Variants in MDGA2 observed in about 807,000 individuals in gnomAD.
The protein encoded by MDGA2 is MAM domain-containing glycosylphosphatidylinositol anchor protein 2.
In MDGA2, 40 loss-of-function variants were observed where a neutral mutation model predicts 117.8. The ratio of observed to expected loss-of-function variants is 0.34; its 90% CI spans 0.26 to 0.44. The LOEUF (loss-of-function observed/expected upper bound fraction) is 0.44, where lower values mean the gene tolerates loss of function less well. Ranked by LOEUF, MDGA2 falls within the 20% of genes least tolerant of loss-of-function variation. The pLI, the probability that MDGA2 is intolerant of heterozygous loss-of-function variation, is 1.00. For synonymous variants in MDGA2, 452 were observed against 439.0 expected, an observed-to-expected ratio of 1.03 and a Z score of -0.37; for missense variants, 1,123 against 1,250.6, an observed-to-expected ratio of 0.90 and a Z score of 1.54.
intron 8 of MDGA2, among the ~76,000 whole-genome samples, chr14:47,006,420 ATAT>A (rs550408021): frequency 0.032 from 3,473 of 108,794 alleles, 157 homozygotes; most frequent in African/African-American, 0.11. Flanking sequence ...ATTTATAATT[ATAT>A]TATATGTATA....
chr14:47,326,116 T>G (rs560544461), intron 1 of MDGA2, among the ~76,000 whole-genome samples: 2 of 152,112 alleles, frequency 1.3e-5, no homozygotes, highest in Non-Finnish European at 1.5e-5. Flanking sequence ...AGATCTGAAC[T>G]TCCTACTAAA....
chr14:47,046,021 G>GA (rs1889250990), intron 7 of MDGA2, among the ~76,000 whole-genome samples: 1 of 145,060 alleles, frequency 6.9e-6, no homozygotes, highest in African/African-American at 2.5e-5. Context: ...GGGGAGGGGG[G>GA]AGGGATAGCA....
At chr14:47,235,416 G>A (rs766869741) in intron 2 of MDGA2, among the ~76,000 whole-genome samples, 1 of 152,172 alleles carries the variant, frequency 6.6e-6, no homozygotes, top group African/African-American at 2.4e-5. Flanking sequence ...AAAGAATAAT[G>A]TGAACAACTA....
chr14:47,414,016 G>A (rs552810476), intron 1 of MDGA2, among the ~76,000 whole-genome samples: 2 of 152,206 alleles, frequency 1.3e-5, no homozygotes, highest in South Asian at 4.1e-4. Context: ...AGTCTATTCA[G>A]AAGAAGATCA....
At chr14:46,967,382 A>G (rs751466381) in intron 8 of MDGA2, among the ~76,000 whole-genome samples, 2 of 152,178 alleles carry the variant, frequency 1.3e-5, no homozygotes, top group Non-Finnish European at 2.9e-5. Flanking sequence ...TTGGGATTAA[A>G]GTCATTTAAG....
chr14:47,438,332 C>T (rs576308561), intron 1 of MDGA2, among the ~76,000 whole-genome samples: 4 of 152,190 alleles, frequency 2.6e-5, no homozygotes, highest in African/African-American at 9.6e-5. Flanking sequence ...AAGTTACTGT[C>T]CTCTCCAGAA....
At chr14:47,161,289 A>G (rs10143163) in intron 3 of MDGA2, among the ~76,000 whole-genome samples, 1 of 151,824 alleles carries the variant, frequency 6.6e-6, no homozygotes. Context: ...TGAATTTAGC[A>G]TTTGTTTTGT....
intron 8 of MDGA2, among the ~76,000 whole-genome samples, chr14:47,019,931 T>C (rs1888227215): frequency 6.6e-6 from 1 of 152,140 alleles, no homozygotes; most frequent in Non-Finnish European, 1.5e-5. Context: ...GTAGCATTAC[T>C]ATTGCTAAAA....
At chr14:47,265,309 C>T (rs1043817190) in intron 2 of MDGA2, among the ~76,000 whole-genome samples, 1 of 151,852 alleles carries the variant, frequency 6.6e-6, no homozygotes, top group Non-Finnish European at 1.5e-5. Context: ...ATTGTAACAC[C>T]GTGTCATTTA....
intron 1 of MDGA2, among the ~76,000 whole-genome samples, chr14:47,508,885 T>C (rs1894578728): frequency 6.6e-6 from 1 of 152,050 alleles, no homozygotes; most frequent in Non-Finnish European, 1.5e-5. Context: ...AGAGACGAAG[T>C]TTTACCGTGT....
intron 1 of MDGA2, among the ~76,000 whole-genome samples, chr14:47,415,222 A>G (rs537355425): frequency 2.0e-5 from 3 of 152,284 alleles, no homozygotes; most frequent in Middle Eastern, 3.4e-3. Flanking sequence ...GGATTAATCA[A>G]TAGAGATATT....
At chr14:47,439,346 T>G (rs887821313) in intron 1 of MDGA2, among the ~76,000 whole-genome samples, 2 of 152,158 alleles carry the variant, frequency 1.3e-5, no homozygotes, top group Non-Finnish European at 2.9e-5. Context: ...TGTATGTGTG[T>G]GTATGTTTAT....
At chr14:47,207,862 G>C (rs1425504107) in intron 3 of MDGA2, among the ~76,000 whole-genome samples, 1 of 152,002 alleles carries the variant, frequency 6.6e-6, no homozygotes, top group Non-Finnish European at 1.5e-5. Flanking sequence ...TTAAGAGATT[G>C]AAAGTAGGCT....
At chr14:47,497,707 A>T (rs1894312474) in intron 1 of MDGA2, among the ~76,000 whole-genome samples, 1 of 152,206 alleles carries the variant, frequency 6.6e-6, no homozygotes, top group South Asian at 2.1e-4. Flanking sequence ...ACATAAATAG[A>T]TTATGCTCTA....
intron 1 of MDGA2, among the ~76,000 whole-genome samples, chr14:47,538,372 T>C (rs969080959): frequency 3.9e-5 from 6 of 152,170 alleles, no homozygotes; most frequent in Non-Finnish European, 7.3e-5. Flanking sequence ...TAAGTAAGCA[T>C]CTAAAAAGTC....
Position 47,155,885 on chromosome 14 carries a change from CTTCTTTTTTTTTTTTT to C in MDGA2, c.596-11627_596-11612del, listed in dbSNP as rs1883354699. On this transcript the variant is annotated intron_variant, in intron 3 of 16. Transcript: ENST00000399232. The stretch of plus-strand genomic sequence containing the variant: ...ACAATTCTTTTCTTTTCTTCTTCTT[CTTCTTTTTTTTTTTTT>C]TTTTTTTTTTTTTTTTTTTTTTTTT... 3.1e-4 allele frequency among the ~76,000 whole-genome samples: 25 copies of C among 80,410 alleles called. 4 individuals carry two copies. The highest frequency in any genetic ancestry group is 3.9e-4 in the Non-Finnish European group (16 of 40,744). The allele number at this position is 80,410 out of a possible 152,430, so 52.8% of individuals were successfully genotyped here. A position where few individuals can be genotyped will look rare whatever the true frequency, so the allele number is the denominator to read the frequency against.
chr14:47,273,390 T>C (rs1888209900), intron 2 of MDGA2, among the ~76,000 whole-genome samples: 1 of 152,140 alleles, frequency 6.6e-6, no homozygotes, highest in Non-Finnish European at 1.5e-5. Flanking sequence ...TCAAGTATAC[T>C]GAGGCAAGGA....
intron 1 of MDGA2, among the ~76,000 whole-genome samples, chr14:47,635,402 AT>A (rs1181459174): frequency 1.3e-5 from 2 of 152,130 alleles, no homozygotes; most frequent in African/African-American, 4.8e-5. Flanking sequence ...TTCTCTCCTA[AT>A]TTTTATATGA....
intron 3 of MDGA2, among the ~76,000 whole-genome samples, chr14:47,171,515 A>G (rs1437598855): frequency 6.6e-6 from 1 of 152,220 alleles, no homozygotes; most frequent in African/African-American, 2.4e-5. Flanking sequence ...ATTATTCATT[A>G]CTGACAAATG....
Sources: allele counts gnomAD v4.1 joint callset (sites outside exome capture counted in the v4.1 genomes callset), GRCh38; gene constraint gnomAD v4.1.1; transcripts MANE v1.5; gene names NCBI Gene and HGNC (gene_info 2026-07-23, HGNC 2026-07-21).